The following UNC79 variants were observed in gnomAD, a reference collection of about 807,000 sequenced individuals.
The protein encoded by UNC79 is protein unc-79 homolog.
A neutral mutation model predicts 283.1 loss-of-function variants in UNC79; 37 were observed. The observed-to-expected ratio is 0.13, with a 90% CI of 0.10 to 0.17. The LOEUF is 0.17. UNC79 is among the 10% of genes least tolerant of loss of function. The pLI is 1.00. For synonymous variants in UNC79, 1,107 were observed against 1,200.2 expected (o/e 0.92, Z 1.61); for missense variants, 2,272 against 3,211.1 (o/e 0.71, Z 7.07).
At chr14:93,402,290 AAAAAG>A (rs1244777467) in intron 1 of UNC79, among the ~76,000 whole-genome samples, 1,478 of 139,194 alleles carry the variant, frequency 0.011, 130 homozygotes, top group Middle Eastern at 0.027. Context: ...AAAAAAAAAA[AAAAAG>A]AAAAGAAAAG....
At chr14:93,572,804 A>C in exon 16 of UNC79, 1 of 1,613,550 alleles carries the variant, frequency 6.2e-7, no homozygotes, top group Non-Finnish European at 8.5e-7. Flanking sequence ...AGCAAGCTTT[A>C]CTGTGGCTTC....
chr14:93,534,884 T>A (rs1342808219), intron 11 of UNC79, among the ~76,000 whole-genome samples: 1 of 152,226 alleles, frequency 6.6e-6, no homozygotes, highest in Non-Finnish European at 1.5e-5. Flanking sequence ...TATCCTTTAA[T>A]AAACATTGTG....
Position 93,607,220 on chromosome 14 carries a change from G to A in UNC79, c.3754+3802G>A, listed in dbSNP as rs185477809. On this transcript the variant is annotated intron_variant, in intron 26 of 48. Coordinates refer to ENST00000555664, the Ensembl canonical transcript of UNC79. ...ATGCAGCAGTTATTATGTTATATAA[G>A]CACAATACTGAACTAATGGTATCAA... Among the ~76,000 whole-genome samples the A allele has an allele frequency of 3.3e-5, 5 of 152,284 alleles. No homozygotes were observed. The East Asian group carries it at 9.6e-4, about 29-fold the overall frequency.
At chr14:93,636,772 C>G (rs2068543317) in intron 31 of UNC79, among the ~76,000 whole-genome samples, 1 of 152,204 alleles carries the variant, frequency 6.6e-6, no homozygotes, top group South Asian at 2.1e-4. Flanking sequence ...ATCCCTCAGT[C>G]CAACACCTGT....
At chr14:93,341,894 G>A (rs1298481485) in intron 1 of UNC79, among the ~76,000 whole-genome samples, 3 of 152,168 alleles carry the variant, frequency 2.0e-5, no homozygotes, top group Non-Finnish European at 4.4e-5. Context: ...CAAGAGGTGG[G>A]TTCCCAAGGC....
chr14:93,572,656 C>T (rs1407225243), intron 15 of UNC79, 37 bp from the exon 16 acceptor site: 1 of 1,611,848 alleles, frequency 6.2e-7, no homozygotes, highest in Non-Finnish European at 8.5e-7. Context: ...CCAATCTATG[C>T]CCATTGGTCA....
chr14:93,508,166 T>C (rs1312305019), intron 7 of UNC79, among the ~76,000 whole-genome samples: 2 of 151,530 alleles, frequency 1.3e-5, no homozygotes, highest in Non-Finnish European at 2.9e-5. Context: ...CATTTCCATT[T>C]AAATTTTAGC....
chr14:93,657,989 G>A (rs1383925386), intron 38 of UNC79, among the ~76,000 whole-genome samples: 1 of 152,092 alleles, frequency 6.6e-6, no homozygotes, highest in Non-Finnish European at 1.5e-5. Context: ...CACTATGGGG[G>A]CCTGATGAGC....
intron 1 of UNC79, among the ~76,000 whole-genome samples, chr14:93,407,864 A>AT (rs929109813): frequency 6.6e-6 from 1 of 152,200 alleles, no homozygotes; most frequent in Non-Finnish European, 1.5e-5. Flanking sequence ...TTAAGAAGGC[A>AT]TTTTTAGGGA....
intron 40 of UNC79, among the ~76,000 whole-genome samples, chr14:93,665,404 G>A (rs1223419364): frequency 6.6e-6 from 1 of 151,570 alleles, no homozygotes; most frequent in African/African-American, 2.4e-5. Flanking sequence ...AGAAGAGAGA[G>A]ATAAAGAGAT....
rs193244732 is a variant in UNC79 at position 93,591,662 on chromosome 14, T to C, written c.3033-2018T>C. ...GCTGCAGACCTCAAGCTATGGTACA[T>C]GTCAAGCAATTCAACTTTTCCTAGC... On this transcript the variant is annotated intron_variant, in intron 22 of 48. Coordinates refer to ENST00000555664, the Ensembl canonical transcript of UNC79. Among the ~76,000 whole-genome samples the C allele has an allele frequency of 5.3e-5, 8 of 152,344 alleles. No individual in the cohort carries two copies. The East Asian group carries it at 1.4e-3, about 26-fold the overall frequency.
intron 14 of UNC79, among the ~76,000 whole-genome samples, chr14:93,556,754 CT>C (rs1297685229): frequency 6.6e-6 from 1 of 151,828 alleles, no homozygotes; most frequent in Admixed American, 6.6e-5. Flanking sequence ...GCCTAATGGC[CT>C]TTTAAATGTA....
rs1166351954 is a variant in UNC79 at position 93,681,001 on chromosome 14, TC to T, written c.6742-1614del. The stretch of plus-strand genomic sequence containing the variant: ...TTCTAAAACCTGATTTATTTACTTT[TC>T]CTTACATTAGAAATAAGCTTAAGTT... On this transcript the variant is annotated intron_variant, in intron 41 of 48. Coordinates refer to ENST00000555664, the Ensembl canonical transcript of UNC79. Among the ~76,000 whole-genome samples, 3 of 152,332 alleles carry T rather than the reference TC, an allele frequency of 2.0e-5. No homozygotes were observed. In the East Asian group the frequency reaches 5.8e-4, roughly 29 times the overall value.
At chr14:93,336,570 T>G (rs2053581869) in intron 1 of UNC79, among the ~76,000 whole-genome samples, 1 of 152,168 alleles carries the variant, frequency 6.6e-6, no homozygotes, top group Non-Finnish European at 1.5e-5. Context: ...CTCAAACTCC[T>G]GACCTCGTGA....
intron 11 of UNC79, among the ~76,000 whole-genome samples, chr14:93,536,739 A>AT (rs1442743851): frequency 7.0e-6 from 1 of 142,858 alleles, no homozygotes; most frequent in Non-Finnish European, 1.5e-5. Flanking sequence ...ATGCTGAGGT[A>AT]TGCCCTTAAG....
At chr14:93,411,603 C>G (rs766684078) in intron 1 of UNC79, among the ~76,000 whole-genome samples, 1 of 152,242 alleles carries the variant, frequency 6.6e-6, no homozygotes, top group Non-Finnish European at 1.5e-5. Context: ...AAGAGAGACT[C>G]CATTTTTTTG....
intron 31 of UNC79, among the ~76,000 whole-genome samples, chr14:93,636,676 C>T (rs779524343): frequency 6.6e-6 from 1 of 152,202 alleles, no homozygotes; most frequent in Admixed American, 6.5e-5. Context: ...CCATGACTTA[C>T]TGCTTTGCCT....
At chr14:93,593,980 C>A in intron 23 of UNC79, 143 bp downstream of exon 23, 2 of 935,050 alleles carry the variant, frequency 2.1e-6, no homozygotes, top group Non-Finnish European at 1.5e-6. Flanking sequence ...GGGGGTTCTG[C>A]TTTGAGCTTC....
intron 20 of UNC79, among the ~76,000 whole-genome samples, chr14:93,584,053 C>T (rs533945167): frequency 1.3e-5 from 2 of 152,062 alleles, no homozygotes; most frequent in Admixed American, 1.3e-4. Context: ...GTGATCCACC[C>T]GTCTCGGCCT....
Sources: gnomAD v4.1 joint callset for allele counts (sites outside exome capture counted in the v4.1 genomes callset) on GRCh38, gnomAD v4.1.1 for gene constraint, MANE v1.5 for transcripts, NCBI Gene and HGNC (gene_info 2026-07-23, HGNC 2026-07-21) for gene names.